The following GABRB2 variants were observed in gnomAD, a reference collection of about 807,000 sequenced individuals.
The protein encoded by GABRB2 is gamma-aminobutyric acid receptor subunit beta-2.
A neutral mutation model predicts 54.7 loss-of-function variants in GABRB2; 16 were observed. The observed-to-expected ratio is 0.29, with a 90% confidence interval of 0.20 to 0.44. The LOEUF is 0.44. Among genes scored for constraint, GABRB2 ranks in the 20% least tolerant of loss-of-function variants. The probability of loss-of-function intolerance (pLI) is 1.00; values close to 1 mark genes in which losing one functional copy is unlikely to be tolerated. For synonymous variants in GABRB2, 244 were observed against 233.8 expected, an observed-to-expected ratio of 1.04 and a Z score of -0.40; for missense variants, 355 against 644.0, an observed-to-expected ratio of 0.55 and a Z score of 4.86.
chr5:161,511,732 C>T (rs1324616147), intron 3 of GABRB2, among the ~76,000 whole-genome samples: 5 of 151,870 alleles, frequency 3.3e-5, no homozygotes, highest in South Asian at 2.1e-4. Context: ...CTGTTCCAGA[C>T]CTCTCTCCTA....
chr5:161,509,230 G>C (rs1759693602), intron 3 of GABRB2, among the ~76,000 whole-genome samples: 1 of 151,964 alleles, frequency 6.6e-6, no homozygotes, highest in Non-Finnish European at 1.5e-5. Flanking sequence ...ATGATTAGCT[G>C]AGTAAACTCT....
chr5:161,442,678 C>T (rs1443848782), intron 4 of GABRB2, among the ~76,000 whole-genome samples: 1 of 152,168 alleles, frequency 6.6e-6, no homozygotes, highest in Admixed American at 6.6e-5. Flanking sequence ...GGTCAGGTTG[C>T]AAAGAATTCC....
intron 3 of GABRB2, among the ~76,000 whole-genome samples, chr5:161,508,088 A>C (rs1192554917): frequency 6.6e-6 from 1 of 151,946 alleles, no homozygotes; most frequent in East Asian, 1.9e-4. Context: ...ATACTGTTTT[A>C]AGTACTATTT....
chr5:161,343,071 G>A (rs542971980), intron 5 of GABRB2, among the ~76,000 whole-genome samples: 72 of 152,182 alleles, frequency 4.7e-4, no homozygotes, highest in African/African-American at 1.7e-3. Context: ...GGGATCTTTC[G>A]AGAGGCAGAG....
rs1034418881 is a variant in GABRB2, at chr5:161,289,044, G to A, written c.*5037C>T. On this transcript the variant is annotated 3_prime_UTR_variant, in exon 10 of 10. Transcript: ENST00000393959. The stretch of plus-strand genomic sequence containing the variant: ...GGCATCAGATTAGAGGATGTGACAC[G>A]GCAGTGACATTTGGTTTGGGAACTC... 3.9e-5 allele frequency: 6 copies of A among 152,042 alleles called. No individual in the cohort carries two copies. The highest frequency in any genetic ancestry group is 2.1e-4 in the South Asian group (1 of 4,820). The allele number at this position is 152,042 out of a possible 1,614,324, so 9.4% of individuals were successfully genotyped here.
chr5:161,440,774 T>C (rs1001371566), intron 4 of GABRB2, among the ~76,000 whole-genome samples: 67 of 152,090 alleles, frequency 4.4e-4, no homozygotes, highest in African/African-American at 1.5e-3. Context: ...AACAGACACA[T>C]AGACAAATGG....
rs1431700478 is a variant in GABRB2, at chr5:161,289,661, T to A, written c.*4420A>T. 1 of 152,140 alleles carries A rather than the reference T, an allele frequency of 6.6e-6. No homozygotes were observed. The highest frequency in any genetic ancestry group is 2.4e-5 in the African/African-American group (1 of 41,440). The allele number at this position is 152,140 out of a possible 1,614,324, so 9.4% of individuals were successfully genotyped here. On this transcript the variant is annotated 3_prime_UTR_variant, in exon 10 of 10. Transcript: ENST00000393959. ...AAGTCTATTAAGTTATCAATGATCA[T>A]TTTTGCTTTTCCCAATTGCCATTTC...
intron 5 of GABRB2, among the ~76,000 whole-genome samples, chr5:161,378,778 A>T (rs567572295): frequency 6.6e-6 from 1 of 152,336 alleles, no homozygotes; most frequent in South Asian, 2.1e-4. Flanking sequence ...CAATAACACA[A>T]TAAAGAGTAT....
chr5:161,483,671 C>T (rs1280052125), intron 3 of GABRB2, among the ~76,000 whole-genome samples: 2 of 151,886 alleles, frequency 1.3e-5, no homozygotes, highest in East Asian at 3.9e-4. Context: ...GGGGTAAGAA[C>T]AAACACATTG....
intron 5 of GABRB2, among the ~76,000 whole-genome samples, chr5:161,379,006 G>A (rs1755389177): frequency 1.3e-5 from 2 of 152,102 alleles, no homozygotes; most frequent in South Asian, 4.1e-4. Context: ...CTAGAAATTT[G>A]ATCTCCTCAT....
At chr5:161,357,770 G>A (rs751119362) in intron 5 of GABRB2, among the ~76,000 whole-genome samples, 2 of 152,068 alleles carry the variant, frequency 1.3e-5, no homozygotes, top group Non-Finnish European at 2.9e-5. Flanking sequence ...AATATTACAA[G>A]TGGGATATAT....
At chr5:161,404,874 T>A (rs1038203858) in intron 5 of GABRB2, among the ~76,000 whole-genome samples, 6 of 152,128 alleles carry the variant, frequency 3.9e-5, no homozygotes, top group Non-Finnish European at 4.4e-5. Context: ...TTGTGCCAAG[T>A]AACCCTTAAC....
At chr5:161,366,570 A>C (rs1289238671) in intron 5 of GABRB2, among the ~76,000 whole-genome samples, 1 of 152,234 alleles carries the variant, frequency 6.6e-6, no homozygotes, top group Admixed American at 6.5e-5. Context: ...TTATACTTTT[A>C]GCACAAGGTA....
intron 3 of GABRB2, among the ~76,000 whole-genome samples, chr5:161,460,533 G>A (rs115344585): frequency 0.01 from 1,595 of 152,178 alleles, 26 homozygotes; most frequent in African/African-American, 0.035. Context: ...TGGAGTACAC[G>A]GGACTCTTTT....
intron 5 of GABRB2, among the ~76,000 whole-genome samples, chr5:161,406,890 AT>A (rs1561639427): frequency 1.3e-5 from 2 of 152,058 alleles, no homozygotes; most frequent in South Asian, 2.1e-4. Context: ...ATAAAGTTTT[AT>A]GTCTTCTAGT....
chr5:161,536,651 C>T (rs1372585773), intron 3 of GABRB2, among the ~76,000 whole-genome samples: 2 of 152,198 alleles, frequency 1.3e-5, no homozygotes, highest in Non-Finnish European at 2.9e-5. Flanking sequence ...GGCTGGAGTG[C>T]AGTGGCACGA....
intron 3 of GABRB2, among the ~76,000 whole-genome samples, chr5:161,473,394 C>T (rs1412315404): frequency 6.6e-6 from 1 of 151,924 alleles, no homozygotes; most frequent in Non-Finnish European, 1.5e-5. Context: ...AGTAAGGTGG[C>T]AGGTTCCGTG....
At chr5:161,482,177 G>A (rs1478791633) in intron 3 of GABRB2, among the ~76,000 whole-genome samples, 2 of 151,960 alleles carry the variant, frequency 1.3e-5, no homozygotes, top group Non-Finnish European at 2.9e-5. Context: ...ACTCTCCAGG[G>A]ATGTGGGTTG....
At chr5:161,440,203 AAAAT>A (rs1387180979) in intron 4 of GABRB2, among the ~76,000 whole-genome samples, 1 of 152,162 alleles carries the variant, frequency 6.6e-6, no homozygotes, top group Non-Finnish European at 1.5e-5. Flanking sequence ...AAGCAACCAG[AAAAT>A]AAATAACAAA....
Sources: gnomAD v4.1 joint callset for allele counts (sites outside exome capture counted in the v4.1 genomes callset) on GRCh38, gnomAD v4.1.1 for gene constraint, MANE v1.5 for transcripts, NCBI Gene and HGNC (gene_info 2026-07-23, HGNC 2026-07-21) for gene names.